Variants in FRMD6 observed in about 807,000 individuals in gnomAD.
The protein encoded by FRMD6 is FERM domain containing 6, also known as FERM domain-containing protein 6.
A neutral mutation model predicts 73.2 loss-of-function variants in FRMD6; 37 were observed. That is an observed-to-expected ratio of 0.51 (90% CI 0.39 to 0.66). The LOEUF is 0.66. FRMD6 is among the 30% of genes least tolerant of loss of function. The pLI is 0.00. For missense variants in FRMD6, 714 were observed against 780.5 expected, an observed-to-expected ratio of 0.91 and a Z score of 1.02; for synonymous variants, 273 against 282.2, an observed-to-expected ratio of 0.97 and a Z score of 0.33.
chr14:51,685,920 CTCTACAA>C (rs2140332323), intron 1 of FRMD6, among the ~76,000 whole-genome samples: 1 of 152,306 alleles, frequency 6.6e-6, no homozygotes, highest in East Asian at 1.9e-4. Flanking sequence ...AGATAGGATT[CTCTACAA>C]TCCAGTTTTC....
chr14:51,605,281 G>A (rs1956581), intron 2 of FRMD6, among the ~76,000 whole-genome samples: 1,607 of 151,700 alleles, frequency 0.011, 29 homozygotes, highest in African/African-American at 0.037. Context: ...AGAGGACCCT[G>A]GGGCCTTCCG....
chr14:51,542,074 T>C (rs1158799173), intron 1 of FRMD6, among the ~76,000 whole-genome samples: 1 of 152,062 alleles, frequency 6.6e-6, no homozygotes, highest in Non-Finnish European at 1.5e-5. Flanking sequence ...CTAGGCCCCA[T>C]ACCAGGTGCT....
chr14:51,622,350 AG>A lies in FRMD6; in HGVS notation c.-147+51943del, dbSNP rs545457774. ...TTTTGCATATATAATTTGCACGAAC[AG>A]GGTGCAAATCAGGCTATTTCTGACC... On this transcript the variant is annotated intron_variant, in intron 2 of 14. Transcript: ENST00000356218. Among the ~76,000 whole-genome samples, 34 of 152,266 alleles carry A rather than the reference AG, an allele frequency of 2.2e-4. No homozygotes were observed. In the South Asian group the frequency reaches 6.6e-3, roughly 30 times the overall value.
At chr14:51,695,441 T>A (rs144617592) in intron 2 of FRMD6, among the ~76,000 whole-genome samples, 128 of 152,296 alleles carry the variant, frequency 8.4e-4, no homozygotes, top group African/African-American at 2.9e-3. Context: ...AACCTAGCTG[T>A]ACACAAAGAG....
intron 1 of FRMD6, among the ~76,000 whole-genome samples, chr14:51,507,288 A>AG (rs1884024909): frequency 6.6e-6 from 1 of 152,220 alleles, no homozygotes; most frequent in Non-Finnish European, 1.5e-5. Context: ...CTCACAACCC[A>AG]GGGGGAGCCC....
intron 1 of FRMD6, among the ~76,000 whole-genome samples, chr14:51,515,616 C>T (rs931745514): frequency 2.0e-5 from 3 of 152,230 alleles, no homozygotes; most frequent in Admixed American, 1.3e-4. Context: ...GTTTCCTCTT[C>T]CTGCTACATG....
the FRMD6 span, among the ~76,000 whole-genome samples, chr14:51,448,774 A>G: frequency 2.0e-5 from 3 of 152,114 alleles, no homozygotes; most frequent in Non-Finnish European, 2.9e-5. Flanking sequence ...CCTAAATACC[A>G]TCCCACTTAT....
At chr14:51,492,879 A>G (rs1446753865) in intron 1 of FRMD6, among the ~76,000 whole-genome samples, 1 of 152,170 alleles carries the variant, frequency 6.6e-6, no homozygotes, top group Non-Finnish European at 1.5e-5. Context: ...TGGGGGTTGT[A>G]ATTTGAAGCT....
At chr14:51,464,336 T>G in the FRMD6 span, among the ~76,000 whole-genome samples, 1 of 151,684 alleles carries the variant, frequency 6.6e-6, no homozygotes, top group Non-Finnish European at 1.5e-5. Flanking sequence ...ATGGCACACA[T>G]TTACCTATGT....
rs1275948076 is a variant in FRMD6, at chr14:51,574,438, G to A, written c.-147+4028G>A. On this transcript the variant is annotated intron_variant, in intron 2 of 14. Coordinates refer to the FRMD6 transcript ENST00000356218. ...TACAAGTGTCCATCATGAGACAAAT[G>A]GATAAAGAAAATGTGGTATGTATGC... is the stretch of plus-strand genomic sequence containing the variant. Among the ~76,000 whole-genome samples the A allele has an allele frequency of 5.9e-5, 9 of 152,288 alleles. No individual in the cohort carries two copies. In the East Asian group the frequency reaches 1.2e-3, roughly 20 times the overall value.
chr14:51,606,027 T>C (rs1252681724), intron 2 of FRMD6, among the ~76,000 whole-genome samples: 1 of 152,168 alleles, frequency 6.6e-6, no homozygotes, highest in East Asian at 1.9e-4. Flanking sequence ...GATGGGTTAG[T>C]TTCTGAGGCT....
At position 51,545,607 on chromosome 14, in the gene FRMD6, C is replaced by T. The variant is rs141435975; in HGVS notation, c.-209-24741C>T. On this transcript the variant is annotated intron_variant, in intron 1 of 14. Transcript: ENST00000356218. ...CTCTCATCCCCCAGAGCCATTTTACCAGCACACCACTGCCTCCCGGGTAAG... is the reference window on the plus strand; with the variant it reads ...CTCTCATCCCCCAGAGCCATTTTACTAGCACACCACTGCCTCCCGGGTAAG... 3.8e-3 allele frequency among the ~76,000 whole-genome samples: 584 copies of T among 152,152 alleles called. 3 individuals carry two copies. The highest frequency in any genetic ancestry group is 6.4e-3 in the Non-Finnish European group (434 of 67,994).
intron 2 of FRMD6, among the ~76,000 whole-genome samples, chr14:51,587,861 G>C (rs1489130803): frequency 6.6e-6 from 1 of 152,114 alleles, no homozygotes; most frequent in Non-Finnish European, 1.5e-5. Context: ...ACTGACGTTA[G>C]CGGCAATGAC....
intron 5 of FRMD6, among the ~76,000 whole-genome samples, 170 bp downstream of exon 5, chr14:51,702,758 G>T (rs544332706): frequency 6.6e-6 from 1 of 151,982 alleles, no homozygotes; most frequent in South Asian, 2.1e-4. Context: ...TATATCCTCA[G>T]TCCCTAAAAC....
chr14:51,561,615 T>A (rs1437124490), intron 1 of FRMD6, among the ~76,000 whole-genome samples: 1 of 152,198 alleles, frequency 6.6e-6, no homozygotes, highest in East Asian at 1.9e-4. Context: ...GTTTTGTTTA[T>A]TTATTTATTT....
the FRMD6 span, among the ~76,000 whole-genome samples, chr14:51,427,535 G>T: frequency 6.6e-6 from 1 of 152,212 alleles, no homozygotes; most frequent in African/African-American, 2.4e-5. Flanking sequence ...TGCTAGTATT[G>T]TCATCCCCAT....
chr14:51,662,173 A>G (rs961937409), intron 1 of FRMD6, among the ~76,000 whole-genome samples: 1 of 152,206 alleles, frequency 6.6e-6, no homozygotes, highest in Non-Finnish European at 1.5e-5. Context: ...GTGTTCTTTA[A>G]TTCAATCTAT....
At chr14:51,549,374 T>C (rs1051805481) in intron 1 of FRMD6, among the ~76,000 whole-genome samples, 1 of 152,190 alleles carries the variant, frequency 6.6e-6, no homozygotes, top group African/African-American at 2.4e-5. Context: ...GTAGATTACA[T>C]GGCAGGCTAA....
At chr14:51,440,234 A>G in the FRMD6 span, among the ~76,000 whole-genome samples, 1 of 152,244 alleles carries the variant, frequency 6.6e-6, no homozygotes, top group Non-Finnish European at 1.5e-5. Context: ...CATGAAGGAA[A>G]GCTTAAACTG....
Sources: gnomAD v4.1 joint callset for allele counts (sites outside exome capture counted in the v4.1 genomes callset) on GRCh38, gnomAD v4.1.1 for gene constraint, MANE v1.5 for transcripts, NCBI Gene and HGNC (gene_info 2026-07-23, HGNC 2026-07-21) for gene names.